ZSCAN5A: variants seen among roughly 807,000 people sequenced by gnomAD.
ZSCAN5A encodes zinc finger and SCAN domain containing 5A, also known as zinc finger and SCAN domain-containing protein 5A.
A neutral mutation model predicts 23.7 loss-of-function variants in ZSCAN5A; 12 were observed. The ratio of observed to expected loss-of-function variants is 0.51; its 90% CI spans 0.32 to 0.82. ZSCAN5A has a LOEUF of 0.82. Among genes scored for constraint, ZSCAN5A ranks in the 40% least tolerant of loss-of-function variants. The pLI, the probability that ZSCAN5A is intolerant of heterozygous loss-of-function variation, is 0.03. For missense variants in ZSCAN5A, 597 were observed against 617.9 expected, an observed-to-expected ratio of 0.97 and a Z score of 0.36; for synonymous variants, 257 against 239.9, an observed-to-expected ratio of 1.07 and a Z score of -0.66.
intron 2 of ZSCAN5A, among the ~76,000 whole-genome samples, chr19:56,300,831 A>G (rs1240988997): frequency 6.6e-6 from 1 of 152,190 alleles, no homozygotes; most frequent in Non-Finnish European, 1.5e-5. Context: ...TCTGAATGTA[A>G]TACTTTTAAA....
At chr19:56,288,766 G>A (rs556788716) in intron 2 of ZSCAN5A, among the ~76,000 whole-genome samples, 3 of 152,278 alleles carry the variant, frequency 2.0e-5, no homozygotes, top group Admixed American at 2.0e-4. Context: ...CCTCTGACTG[G>A]TCAGGGATGC....
intron 2 of ZSCAN5A, among the ~76,000 whole-genome samples, chr19:56,358,728 C>T (rs559951708): frequency 2.0e-5 from 3 of 152,330 alleles, no homozygotes; most frequent in South Asian, 2.1e-4. Context: ...AACAGTCTCT[C>T]AGTCCACAGC....
chr19:56,290,560 C>A (rs943611067), intron 2 of ZSCAN5A, among the ~76,000 whole-genome samples: 1 of 152,104 alleles, frequency 6.6e-6, no homozygotes, highest in Non-Finnish European at 1.5e-5. Context: ...GTTTGCTTCC[C>A]AAATGGTGAT....
At chr19:56,242,888 C>T (rs1008184962) in intron 2 of ZSCAN5A, among the ~76,000 whole-genome samples, 1 of 152,090 alleles carries the variant, frequency 6.6e-6, no homozygotes, top group African/African-American at 2.4e-5. Context: ...AAGTGATTCT[C>T]CTGCCTCAGA....
chr19:56,244,787 T>A (rs970950251), intron 2 of ZSCAN5A, among the ~76,000 whole-genome samples: 2 of 150,528 alleles, frequency 1.3e-5, no homozygotes, highest in African/African-American at 5.0e-5. Context: ...AAGACATTGG[T>A]GAAATATTAG....
intron 2 of ZSCAN5A, among the ~76,000 whole-genome samples, chr19:56,250,398 G>A (rs144988045): frequency 1.3e-5 from 2 of 152,182 alleles, no homozygotes; most frequent in South Asian, 4.1e-4. Flanking sequence ...CTAGCATCTC[G>A]CTTCATTTAC....
chr19:56,246,340 A>G (rs2035891879), intron 2 of ZSCAN5A: 2 of 453,492 alleles, frequency 4.4e-6, no homozygotes, highest in Non-Finnish European at 8.0e-6. Flanking sequence ...GCTGCCAGAG[A>G]CTACTGTCAT....
At chr19:56,350,616 A>T (rs1312363593) in intron 2 of ZSCAN5A, among the ~76,000 whole-genome samples, 2 of 152,116 alleles carry the variant, frequency 1.3e-5, no homozygotes, top group Admixed American at 1.3e-4. Flanking sequence ...TTACCGCTAT[A>T]TTAACGTTTC....
At chr19:56,327,447 T>C (rs1308951964) in intron 2 of ZSCAN5A, among the ~76,000 whole-genome samples, 2 of 150,572 alleles carry the variant, frequency 1.3e-5, no homozygotes, top group Non-Finnish European at 3.0e-5. Context: ...AATATATATA[T>C]TTATTAATAA....
intron 2 of ZSCAN5A, among the ~76,000 whole-genome samples, chr19:56,236,859 G>GCCT (rs2146556853): frequency 6.7e-6 from 1 of 149,650 alleles, no homozygotes; most frequent in South Asian, 2.1e-4. Context: ...CGTGGGCCAA[G>GCCT]CCTCCACTCC....
intron 2 of ZSCAN5A, among the ~76,000 whole-genome samples, chr19:56,235,012 C>A (rs1005521462): frequency 6.6e-6 from 1 of 152,234 alleles, no homozygotes; most frequent in Non-Finnish European, 1.5e-5. Context: ...CAGGCCACAT[C>A]CTCACTCCTG....
chr19:56,287,269 A>G (rs1319268012), intron 2 of ZSCAN5A, among the ~76,000 whole-genome samples: 1 of 152,198 alleles, frequency 6.6e-6, no homozygotes, highest in Admixed American at 6.5e-5. Context: ...CCCCCAAGAA[A>G]TGTGTTGTGG....
At chr19:56,242,423 C>T (rs6509986) in intron 2 of ZSCAN5A, among the ~76,000 whole-genome samples, 116,112 of 152,102 alleles carry the variant, frequency 0.76, 44,434 homozygotes, top group Middle Eastern at 0.81. Flanking sequence ...ATGTTTTGCA[C>T]AGGAACTGCT....
rs1384990251 is a variant in ZSCAN5A at position 56,287,292 on chromosome 19, G to A, written c.-128+25991C>T. ...AAATGTGTTGTGGGAAACATTTTAC[G>A]GAAACCTATGACTGAGTTTTGATGG... On this transcript the variant is annotated intron_variant, in intron 2 of 5. Coordinates refer to ENST00000683990, the MANE Select transcript of ZSCAN5A (RefSeq NM_001322064.3). Among the ~76,000 whole-genome samples, 6 of 152,194 alleles carry A rather than the reference G, an allele frequency of 3.9e-5. No homozygotes were observed. In the East Asian group the frequency reaches 5.8e-4, roughly 15 times the overall value.
At chr19:56,327,367 T>C (rs1047269778) in intron 2 of ZSCAN5A, among the ~76,000 whole-genome samples, 4 of 151,836 alleles carry the variant, frequency 2.6e-5, no homozygotes, top group Non-Finnish European at 1.5e-5. Flanking sequence ...TTCTCCCATC[T>C]CACCTCCCAA....
At chr19:56,280,192 C>T (rs2038584106) in intron 2 of ZSCAN5A, among the ~76,000 whole-genome samples, 1 of 152,204 alleles carries the variant, frequency 6.6e-6, no homozygotes, top group South Asian at 2.1e-4. Flanking sequence ...GTATTATACA[C>T]ACTGTTCTGT....
intron 2 of ZSCAN5A, among the ~76,000 whole-genome samples, chr19:56,225,758 G>C (rs368234599): frequency 5.3e-5 from 8 of 152,104 alleles, no homozygotes; most frequent in African/African-American, 1.9e-4. Context: ...ATGGGACTAA[G>C]ACATGCACCA....
At chr19:56,257,318 A>C (rs2036774518) in intron 2 of ZSCAN5A, among the ~76,000 whole-genome samples, 1 of 152,174 alleles carries the variant, frequency 6.6e-6, no homozygotes, top group Admixed American at 6.5e-5. Context: ...GGCTGGGAGA[A>C]CAAAGGGAGG....
chr19:56,221,702 A>C lies in ZSCAN5A; in HGVS notation c.1364T>G (p.Leu455Arg). The change falls in exon 6 of 6, where the codon CTG becomes CGG. Residue 455 changes from leucine to arginine, a missense_variant. Around this residue, in one of 5 missense-constraint regions of ZSCAN5A, gnomAD observed 87 missense variants for 74.4 expected, o/e 1.17. Transcript: ENST00000683990. ...GGAGTGGATGCGCTGGTGCTCCTTC[A>C]GGCTCCCCCTGTAGGTGAAAACTTT... The part of the protein sequence containing the change: ...CKKVFTYRGS[L>R]KEHQRIHSGE... The C allele has an allele frequency of 6.2e-7, 1 of 1,614,224 alleles. No individual in the cohort carries two copies. Among genetic ancestry groups the C allele is most frequent in the Non-Finnish European group, 8.5e-7 (1 of 1,180,046 alleles).
Sources: allele counts gnomAD v4.1 joint callset (sites outside exome capture counted in the v4.1 genomes callset), GRCh38; gene constraint gnomAD v4.1.1; regional missense constraint gnomAD v4.1.1; transcripts MANE v1.5; gene names NCBI Gene and HGNC (gene_info 2026-07-23, HGNC 2026-07-21).